Variants in PCDHGA11 observed in about 807,000 individuals in gnomAD.
PCDHGA11 encodes protocadherin gamma subfamily A, 11.
Under a neutral mutation model 60.4 loss-of-function variants are expected in PCDHGA11, and 39 were observed. That is an observed-to-expected ratio of 0.65 (90% confidence interval 0.50 to 0.84). The LOEUF is 0.84. Among genes scored for constraint, PCDHGA11 ranks in the 40% least tolerant of loss-of-function variants. The probability of loss-of-function intolerance (pLI) is 0.00; values close to 1 mark genes in which losing one functional copy is unlikely to be tolerated. For synonymous variants in PCDHGA11, 533 were observed against 510.3 expected (o/e 1.04, Z -0.60); for missense variants, 1,165 against 1,197.7 (o/e 0.97, Z 0.40).
At chr5:141,436,959 G>A (rs1385958934) in intron 1 of PCDHGA11, among the ~76,000 whole-genome samples, 1 of 152,120 alleles carries the variant, frequency 6.6e-6, no homozygotes, top group Non-Finnish European at 1.5e-5. Context: ...TCTAAACAAG[G>A]ATCTTGTGAA....
chr5:141,430,967 G>A lies in PCDHGA11; in HGVS notation c.2433+7307G>A, dbSNP rs746992307. 5 of 1,613,256 alleles carry A rather than the reference G, an allele frequency of 3.1e-6. No individual in the cohort carries two copies. In the East Asian group the frequency reaches 6.7e-5, roughly 22 times the overall value. On this transcript the variant is annotated intron_variant, in intron 1 of 3. Coordinates refer to ENST00000398587, the MANE Select transcript of PCDHGA11 (RefSeq NM_018914.3). ...GCGCGGAGTCCGCATCATCCCCAGA[G>A]GTAGGACGCAGCTTTTCGCCCTGAA... is the stretch of plus-strand genomic sequence containing the variant.
rs1452697214 is a variant in PCDHGA11 at position 141,476,552 on chromosome 5, G to T, written c.2434-18255G>T. ...CCAGGAAATGAAATTGGAGATTAGC[G>T]AGGCCGTGGCTCCGGGGACGCGCTT... On this transcript the variant is annotated intron_variant, in intron 1 of 3. Transcript: ENST00000398587. The surrounding 1 kb of genome is among the most constrained non-coding windows in gnomAD (Gnocchi z 7.6). 6.2e-7 allele frequency: 1 copy of T among 1,614,210 alleles called. No individual in the cohort carries two copies. The highest frequency in any genetic ancestry group is 2.2e-5 in the East Asian group (1 of 44,872).
chr5:141,505,041 C>T (rs1028101225), intron 2 of PCDHGA11, among the ~76,000 whole-genome samples: 4 of 152,142 alleles, frequency 2.6e-5, no homozygotes, highest in African/African-American at 9.7e-5. Flanking sequence ...AGGTGCCTGT[C>T]ATCCCAGCTA....
rs568542355 is a variant in PCDHGA11, at chr5:141,431,678, T to C, written c.2433+8018T>C. 4 of 1,614,084 alleles carry C rather than the reference T, an allele frequency of 2.5e-6. No individual in the cohort carries two copies. Among genetic ancestry groups the C allele is most frequent in the African/African-American group, 2.7e-5 (2 of 75,012 alleles). ...AGGGACAATATCAACAATAGGGGAG[T>C]TGGACCACGAGGAGTCAGGATTCTA... On this transcript the variant is annotated intron_variant, in intron 1 of 3. Transcript: ENST00000398587. The surrounding 1 kb of genome is among the most constrained non-coding windows in gnomAD (Gnocchi z 4.8).
Position 141,476,231 on chromosome 5 carries a change from G to A in PCDHGA11, c.2434-18576G>A. The A allele has an allele frequency of 6.2e-7, 1 of 1,614,084 alleles. No individual in the cohort carries two copies. Among genetic ancestry groups the A allele is most frequent in the Non-Finnish European group, 8.5e-7 (1 of 1,180,034 alleles). On this transcript the variant is annotated intron_variant, in intron 1 of 3. Coordinates refer to ENST00000398587, the MANE Select transcript of PCDHGA11 (RefSeq NM_018914.3). The surrounding 1 kb of genome is among the most constrained non-coding windows in gnomAD (Gnocchi z 7.6). ...CACGGTCATTCACTATGAGATCCCG[G>A]AGGAAAGAGAGAAGGGTTTCGCTGT...
chr5:141,472,779 A>C (rs908169292), intron 1 of PCDHGA11, among the ~76,000 whole-genome samples: 5 of 152,012 alleles, frequency 3.3e-5, no homozygotes, highest in Non-Finnish European at 7.4e-5. Context: ...TGAGGTTGGG[A>C]GTTCAAGATC....
At chr5:141,426,879 G>C (rs1222564201) in intron 1 of PCDHGA11, 3 of 456,710 alleles carry the variant, frequency 6.6e-6, no homozygotes, top group Non-Finnish European at 1.3e-5. Context: ...GAAGCCCCTG[G>C]GCCAGGAGCA....
intron 1 of PCDHGA11, among the ~76,000 whole-genome samples, chr5:141,469,739 A>G (rs1352751978): frequency 1.3e-5 from 2 of 152,262 alleles, no homozygotes; most frequent in African/African-American, 4.8e-5. Flanking sequence ...TACACACCTC[A>G]AAAATTACAA....
Position 141,422,678 on chromosome 5 carries a change from A to G in PCDHGA11, c.1451A>G (p.Gln484Arg). ...ACCGCCCTCGACCCGGACAGCAAAC[A>G]GAATGCCCTGGTCACTTACTCTCTG... ...SVTALDPDSKQNALVTYSLTD... is the reference protein window; with the variant it reads ...SVTALDPDSKRNALVTYSLTD... Residue 484 changes from glutamine (Q) to arginine (R), a missense_variant, in exon 1 of 4, where the codon CAG (glutamine) becomes CGG (arginine). Coordinates refer to ENST00000398587, the MANE Select transcript of PCDHGA11 (RefSeq NM_018914.3). 6.2e-7 allele frequency: 1 copy of G among 1,606,250 alleles called. No individual in the cohort carries two copies. The highest frequency in any genetic ancestry group is 8.5e-7 in the Non-Finnish European group (1 of 1,175,834).
Position 141,422,132 on chromosome 5 carries a change from T to C in PCDHGA11, c.905T>C (p.Val302Ala), listed in dbSNP as rs768931697. ...CAATTGGATTCACAAACTGGAGAAG[T>C]TCAAGTACGGGGGTCTCTGGATTTT... ...IFQLDSQTGE[V>A]QVRGSLDFEK... The change falls in exon 1 of 4, where the codon GTT becomes GCT. Residue 302 changes from valine to alanine, a missense_variant. Val to Ala is a moderately conservative substitution (Grantham distance 64). Coordinates refer to ENST00000398587, the MANE Select transcript of PCDHGA11 (RefSeq NM_018914.3). The C allele has an allele frequency of 1.2e-5, 19 of 1,598,396 alleles. No individual in the cohort carries two copies. In the South Asian group the frequency reaches 2.0e-4, roughly 17 times the overall value.
At chr5:141,509,354 A>G (rs1229726913) in intron 3 of PCDHGA11, among the ~76,000 whole-genome samples, 2 of 152,144 alleles carry the variant, frequency 1.3e-5, no homozygotes, top group Non-Finnish European at 2.9e-5. Context: ...TGGCCTGGGC[A>G]TCCCTGAGGT....
Position 141,492,511 on chromosome 5 carries a change from C to T in PCDHGA11, c.2434-2296C>T, listed in dbSNP as rs58889912. Among the ~76,000 whole-genome samples the T allele has an allele frequency of 1.7e-3, 262 of 152,326 alleles. 2 individuals are homozygous for T. The highest frequency in any genetic ancestry group is 6.0e-3 in the African/African-American group (249 of 41,582). On this transcript the variant is annotated intron_variant, in intron 1 of 3. Coordinates refer to ENST00000398587, the MANE Select transcript of PCDHGA11 (RefSeq NM_018914.3). Reference sequence around the variant, plus strand: ...CCAGGCGAGGACTCCGGAGCCTCCTCTCACCTCTCCCACCTGCGCCCCGGG... The same window carrying T: ...CCAGGCGAGGACTCCGGAGCCTCCTTTCACCTCTCCCACCTGCGCCCCGGG...
chr5:141,438,631 TATATAC>T (rs1271580663), intron 1 of PCDHGA11, among the ~76,000 whole-genome samples: 5,390 of 42,476 alleles, frequency 0.13, 146 homozygotes, highest in Non-Finnish European at 0.16. Context: ...TATATATATA[TATATAC>T]ACACACACAC....
intron 1 of PCDHGA11, chr5:141,426,585 T>C (rs2096944493): frequency 2.8e-6 from 1 of 358,848 alleles, no homozygotes; most frequent in African/African-American, 2.1e-5. Flanking sequence ...CAAAATCCTC[T>C]GTGTCATACC....
At chr5:141,460,231 G>A (rs911633731) in intron 1 of PCDHGA11, among the ~76,000 whole-genome samples, 3 of 152,028 alleles carry the variant, frequency 2.0e-5, no homozygotes, top group Non-Finnish European at 4.4e-5. Context: ...CTTTTGAAGA[G>A]CAGAAGATGT....
chr5:141,427,023 G>A, intron 1 of PCDHGA11: 1 of 456,968 alleles, frequency 2.2e-6, no homozygotes, highest in Non-Finnish European at 4.4e-6. Flanking sequence ...TGTATACAAA[G>A]TCAGCCTTAG....
Position 141,489,322 on chromosome 5 carries a change from T to G in PCDHGA11, c.2434-5485T>G. 1.9e-6 allele frequency: 3 copies of G among 1,601,052 alleles called. No homozygotes were observed. The highest frequency in any genetic ancestry group is 2.2e-5 in the East Asian group (1 of 44,726). On this transcript the variant is annotated intron_variant, in intron 1 of 3. Transcript: ENST00000398587. This position sits in a 1 kb window ranked among gnomAD's most constrained non-coding sequence, Gnocchi z 4.5. The stretch of plus-strand genomic sequence containing the variant: ...GTCCTTGTGCTGCTGGGGCTGGGTG[T>G]CTGGGCAGCTTCGTTACTCAGTGGT...
At chr5:141,434,978 C>G (rs1287204052) in intron 1 of PCDHGA11, among the ~76,000 whole-genome samples, 2 of 151,700 alleles carry the variant, frequency 1.3e-5, no homozygotes, top group Non-Finnish European at 2.9e-5. Flanking sequence ...TTTGTTAATA[C>G]TCTATATCAT....
rs182132552 is a variant in PCDHGA11 at position 141,435,146 on chromosome 5, T to A, written c.2433+11486T>A. Among the ~76,000 whole-genome samples the A allele has an allele frequency of 4.6e-3, 696 of 152,288 alleles. 5 individuals carry two copies. Among genetic ancestry groups the A allele is most frequent in the African/African-American group, 0.016 (677 of 41,554 alleles). ...ATGGAAAATATAAATAAAATTGTGA[T>A]AAACTTTTGTAAATAGAGTGGCTTT... On this transcript the variant is annotated intron_variant, in intron 1 of 3. Transcript: ENST00000398587.
Sources: gnomAD v4.1 joint callset for allele counts (sites outside exome capture counted in the v4.1 genomes callset) on GRCh38, gnomAD v4.1.1 for gene constraint, Gnocchi (gnomAD v3.1) non-coding constraint, MANE v1.5 for transcripts, NCBI Gene and HGNC (gene_info 2026-07-23, HGNC 2026-07-21) for gene names.